Variants in LRP1B observed in about 807,000 individuals in gnomAD.
LRP1B encodes the protein LDL receptor related protein 1B, also known as low-density lipoprotein receptor-related protein 1B.
LRP1B carries 217 observed loss-of-function variants against 556.6 expected under a neutral mutation model. The ratio of observed to expected loss-of-function variants is 0.39; its 90% CI spans 0.35 to 0.44. The LOEUF (loss-of-function observed/expected upper bound fraction) is 0.44, where lower values mean the gene tolerates loss of function less well. Ranked by LOEUF, LRP1B falls within the 20% of genes least tolerant of loss-of-function variation. LRP1B has a pLI of 1.00. For synonymous variants in LRP1B, 2,047 were observed against 1,865.8 expected (o/e 1.10, Z -2.50); for missense variants, 5,053 against 5,620.8 (o/e 0.90, Z 3.23).
At chr2:140,545,796 A>G (rs1237612328) in intron 43 of LRP1B, among the ~76,000 whole-genome samples, 1 of 152,112 alleles carries the variant, frequency 6.6e-6, no homozygotes, top group Middle Eastern at 3.2e-3. Context: ...CTCTAGGAAG[A>G]ATTTCAATGG....
At chr2:141,223,717 G>T (rs1683133084) in intron 6 of LRP1B, among the ~76,000 whole-genome samples, 1 of 152,074 alleles carries the variant, frequency 6.6e-6, no homozygotes, top group East Asian at 1.9e-4. Flanking sequence ...AGAGAACTCA[G>T]ATTTAAGACC....
At chr2:141,527,903 C>G (rs1225743915) in intron 2 of LRP1B, among the ~76,000 whole-genome samples, 1 of 152,020 alleles carries the variant, frequency 6.6e-6, no homozygotes, top group Non-Finnish European at 1.5e-5. Flanking sequence ...TAACTCTTCT[C>G]ATAGTTGTAT....
Position 141,027,339 on chromosome 2 carries a change from C to G in LRP1B, c.1790-7237G>C, listed in dbSNP as rs1698243961. ...GAAAATATGAATAATAATCAGTTCT[C>G]TCCATATTAGGATTAAAGGAGAGAA... On this transcript the variant is annotated intron_variant, in intron 11 of 90. Transcript: ENST00000389484. 1.3e-5 allele frequency among the ~76,000 whole-genome samples: 2 copies of G among 152,120 alleles called. 1 individual carries two copies. The highest frequency in any genetic ancestry group is 4.1e-4 in the South Asian group (2 of 4,820).
At chr2:140,602,454 A>G (rs544908668) in intron 41 of LRP1B, among the ~76,000 whole-genome samples, 11 of 152,112 alleles carry the variant, frequency 7.2e-5, no homozygotes, top group Admixed American at 2.0e-4. Context: ...CCTACATGTT[A>G]TTTGCTTTAC....
chr2:141,254,583 A>G lies in LRP1B; in HGVS notation c.402T>C (p.Asn134=). The G allele has an allele frequency of 6.2e-7, 1 of 1,611,728 alleles. No individual in the cohort carries two copies. The highest frequency in any genetic ancestry group is 8.5e-7 in the Non-Finnish European group (1 of 1,178,450). The part of the protein sequence containing the change: ...NCQYKCTMVR[N]STRCYCEDGF... ...CATCCTCACAGTAACATCTTGTACT[A>G]TTTCTGACCATTGTACATTTATACT... Residue 134 remains asparagine, a synonymous_variant, in exon 4 of 91, where the codon AAT becomes AAC. Coordinates refer to ENST00000389484, the MANE Select transcript of LRP1B (RefSeq NM_018557.3).
chr2:141,737,807 C>T (rs1418853379), intron 2 of LRP1B, among the ~76,000 whole-genome samples: 1 of 152,114 alleles, frequency 6.6e-6, no homozygotes, highest in Non-Finnish European at 1.5e-5. Context: ...CTCAGAAATG[C>T]TTTTTTCTTC....
intron 1 of LRP1B, among the ~76,000 whole-genome samples, chr2:142,013,976 C>G (rs1403432570): frequency 1.3e-5 from 2 of 152,098 alleles, no homozygotes; most frequent in Admixed American, 6.6e-5. Flanking sequence ...CAAAGGAATT[C>G]CTATTTTTGC....
chr2:140,358,063 T>G lies in LRP1B; in HGVS notation c.11311A>C (p.Asn3771His), dbSNP rs768785419. The G allele has an allele frequency of 3.1e-6, 5 of 1,611,508 alleles. No homozygotes were observed. The highest frequency in any genetic ancestry group is 4.2e-6 in the Non-Finnish European group (5 of 1,178,334). Residue 3771 changes from asparagine to histidine, a missense_variant, in exon 74 of 91, where the codon AAT becomes CAT. This residue lies in a region of LRP1B where 599 missense variants were observed against 648.4 expected (regional missense o/e 0.92). Coordinates refer to ENST00000389484, the MANE Select transcript of LRP1B (RefSeq NM_018557.3). ...PCKKDEFACS[N>H]KKCIPMDLQC... ...AGATCCATAGGGATGCATTTTTTAT[T>G]ACTACAAGCAAACTCATCCTTTTTA... is the stretch of plus-strand genomic sequence containing the variant.
intron 3 of LRP1B, among the ~76,000 whole-genome samples, chr2:141,475,796 C>G (rs1682682288): frequency 1.3e-5 from 2 of 152,062 alleles, no homozygotes; most frequent in Non-Finnish European, 2.9e-5. Context: ...GCAGGACAGC[C>G]GAACTCCAAG....
intron 1 of LRP1B, among the ~76,000 whole-genome samples, chr2:141,913,968 G>A (rs1440547261): frequency 3.3e-5 from 5 of 151,998 alleles, no homozygotes; most frequent in African/African-American, 2.4e-5. Flanking sequence ...GGATGGTCTC[G>A]ATCTCCTGAC....
chr2:140,713,032 T>A (rs1370095312), intron 37 of LRP1B, among the ~76,000 whole-genome samples: 3 of 152,210 alleles, frequency 2.0e-5, no homozygotes, highest in African/African-American at 7.2e-5. Context: ...TTTTTGGCAC[T>A]CTTTCTTGGG....
intron 41 of LRP1B, among the ~76,000 whole-genome samples, chr2:140,695,576 A>G (rs994205601): frequency 3.3e-5 from 5 of 152,208 alleles, no homozygotes; most frequent in African/African-American, 9.6e-5. Context: ...TCTGTTTATC[A>G]CTCAAAGAAA....
chr2:141,095,996 TTTATATA>T (rs1292793508), intron 7 of LRP1B, among the ~76,000 whole-genome samples: 5 of 152,114 alleles, frequency 3.3e-5, no homozygotes, highest in African/African-American at 1.2e-4. Flanking sequence ...TTTTTCATGA[TTTATATA>T]TTAATATATA....
chr2:141,917,409 C>A (rs1700066707), intron 1 of LRP1B, among the ~76,000 whole-genome samples: 1 of 151,964 alleles, frequency 6.6e-6, no homozygotes, highest in African/African-American at 2.4e-5. Context: ...ATATGTATAC[C>A]CACATTGAGC....
At chr2:140,260,185 A>G (rs1297235011) in intron 86 of LRP1B, among the ~76,000 whole-genome samples, 3 of 152,002 alleles carry the variant, frequency 2.0e-5, no homozygotes, top group African/African-American at 7.2e-5. Context: ...TATATATTAT[A>G]AGGAGTGTCC....
chr2:140,247,456 G>A (rs1202511983), intron 86 of LRP1B, among the ~76,000 whole-genome samples: 1 of 151,490 alleles, frequency 6.6e-6, no homozygotes. Context: ...ATTAAGAATT[G>A]GAAATTGATT....
intron 66 of LRP1B, among the ~76,000 whole-genome samples, chr2:140,420,506 T>C (rs1278284423): frequency 1.3e-5 from 2 of 152,232 alleles, no homozygotes; most frequent in Non-Finnish European, 2.9e-5. Flanking sequence ...TACTATGTAA[T>C]CCTGTCTTCA....
rs1217924121 is a variant in LRP1B at position 142,085,206 on chromosome 2, T to C, written c.82+45442A>G. On this transcript the variant is annotated intron_variant, in intron 1 of 90. Transcript: ENST00000389484. ...CCTCCCCATCTCTTCACCTAGTTTTTCTTGGAAAAATCCACTTAAGTCAAA... is the reference window on the plus strand; with the variant it reads ...CCTCCCCATCTCTTCACCTAGTTTTCCTTGGAAAAATCCACTTAAGTCAAA... 2.6e-5 allele frequency among the ~76,000 whole-genome samples: 4 copies of C among 152,294 alleles called. No individual in the cohort carries two copies. The East Asian group carries it at 7.7e-4, about 29-fold the overall frequency.
At chr2:141,012,897 A>C (rs1697796270) in intron 14 of LRP1B, among the ~76,000 whole-genome samples, 1 of 151,960 alleles carries the variant, frequency 6.6e-6, no homozygotes, top group Non-Finnish European at 1.5e-5. Flanking sequence ...ATTTAGACTC[A>C]TAAAAAACCT....
Sources: gnomAD v4.1 joint callset for allele counts (sites outside exome capture counted in the v4.1 genomes callset) on GRCh38, gnomAD v4.1.1 for gene constraint, gnomAD v4.1.1 regional missense constraint, MANE v1.5 for transcripts, NCBI Gene and HGNC (gene_info 2026-07-23, HGNC 2026-07-21) for gene names.